MYO3A: variants seen among roughly 807,000 people sequenced by gnomAD.
MYO3A encodes myosin-IIIa.
A neutral mutation model predicts 192.7 loss-of-function variants in MYO3A; 180 were observed. That is an observed-to-expected ratio of 0.93 (90% CI 0.83 to 1.06). MYO3A has a LOEUF of 1.06. Among genes scored for constraint, MYO3A ranks in the 50% least tolerant of loss-of-function variants. The probability of loss-of-function intolerance (pLI) is 0.00; values close to 1 mark genes in which losing one functional copy is unlikely to be tolerated. For synonymous variants in MYO3A, 628 were observed against 645.3 expected (o/e 0.97, Z 0.41); for missense variants, 1,896 against 1,905.0 (o/e 1.00, Z 0.09).
intron 6 of MYO3A, among the ~76,000 whole-genome samples, chr10:25,999,530 C>T (rs1479814343): frequency 6.6e-6 from 1 of 152,138 alleles, no homozygotes; most frequent in Non-Finnish European, 1.5e-5. Context: ...TGTGGTAAAC[C>T]ACAACCTGCA....
intron 14 of MYO3A, among the ~76,000 whole-genome samples, chr10:26,080,430 C>A (rs1255346587): frequency 6.6e-6 from 1 of 151,716 alleles, no homozygotes; most frequent in Non-Finnish European, 1.5e-5. Context: ...CCCTTCACTT[C>A]TTGTATCATT....
Position 26,080,710 on chromosome 10 carries a change from G to T in MYO3A, c.1360-7493G>T, listed in dbSNP as rs536878612. Among the ~76,000 whole-genome samples, 91 of 152,128 alleles carry T rather than the reference G, an allele frequency of 6.0e-4. 1 individual carries two copies. Among genetic ancestry groups the T allele is most frequent in the African/African-American group, 1.7e-3 (72 of 41,508 alleles). ...ATCAGAGGGAAAGTCTAGGGCTGAA[G>T]GCTGTTATTCAGATTCTTTTGTCCC... is the stretch of plus-strand genomic sequence containing the variant. On this transcript the variant is annotated intron_variant, in intron 14 of 34. Coordinates refer to ENST00000642920, the MANE Select transcript of MYO3A (RefSeq NM_017433.5).
chr10:26,030,264 G>A (rs778633588), intron 10 of MYO3A, among the ~76,000 whole-genome samples: 6 of 151,892 alleles, frequency 4.0e-5, no homozygotes, highest in Non-Finnish European at 8.8e-5. Context: ...GCTTTTGTTT[G>A]CCCTGTTAGG....
Position 26,128,556 on chromosome 10 carries a change from C to A in MYO3A, c.2262+18C>A. ...GGGAACAGGTAAGTCTAAGTACTTA[C>A]TATAAATATGCATGCATGCATGTAT... On this transcript the variant is annotated intron_variant, in intron 20 of 34. Transcript: ENST00000642920. 6.3e-7 allele frequency: 1 copy of A among 1,595,640 alleles called. No homozygotes were observed.
intron 10 of MYO3A, among the ~76,000 whole-genome samples, chr10:26,045,573 C>G (rs1263163733): frequency 6.6e-6 from 1 of 152,104 alleles, no homozygotes; most frequent in Non-Finnish European, 1.5e-5. Context: ...AGCTTTGGAA[C>G]AGCTTCAGAG....
At position 26,013,109 on chromosome 10, in the gene MYO3A, T is replaced by G. The variant is rs1448062115; in HGVS notation, c.509-3711T>G. On this transcript the variant is annotated intron_variant, in intron 6 of 34. Coordinates refer to ENST00000642920, the MANE Select transcript of MYO3A (RefSeq NM_017433.5). ...GAAACTGGAACTCTATCTCTCACCT[T>G]ATACAAAAAGCAACTCACGATGGAT... Among the ~76,000 whole-genome samples, 3 of 152,266 alleles carry G rather than the reference T, an allele frequency of 2.0e-5. No homozygotes were observed. In the East Asian group the frequency reaches 5.8e-4, roughly 29 times the overall value.
intron 20 of MYO3A, among the ~76,000 whole-genome samples, chr10:26,136,369 A>G (rs371775823): frequency 2.0e-5 from 3 of 152,348 alleles, no homozygotes; most frequent in East Asian, 1.9e-4. Flanking sequence ...GAACTTGCCT[A>G]TCAGAGAAGG....
Position 25,974,189 on chromosome 10 carries a change from G to A in MYO3A, c.303+19181G>A, listed in dbSNP as rs202133680. Among the ~76,000 whole-genome samples, 27 of 152,202 alleles carry A rather than the reference G, an allele frequency of 1.8e-4. 1 individual carries two copies. The East Asian group carries it at 3.9e-3, about 22-fold the overall frequency. ...ATGGGAAAAAATTTTTGCAATCTAC[G>A]CATCCAACAAAGGACTAATATCCAG... On this transcript the variant is annotated intron_variant, in intron 4 of 34. Transcript: ENST00000642920.
At chr10:26,050,993 G>A (rs896744831) in intron 10 of MYO3A, among the ~76,000 whole-genome samples, 11 of 152,158 alleles carry the variant, frequency 7.2e-5, no homozygotes, top group Non-Finnish European at 1.5e-4. Context: ...TTATACCAGA[G>A]TGTAACATAT....
chr10:26,007,788 G>A (rs538957268), intron 6 of MYO3A, among the ~76,000 whole-genome samples: 54 of 151,064 alleles, frequency 3.6e-4, no homozygotes, highest in Admixed American at 1.9e-3. Context: ...AATCAATATC[G>A]TGAAAATGGC....
intron 4 of MYO3A, among the ~76,000 whole-genome samples, chr10:25,967,826 A>G (rs1454019296): frequency 6.6e-6 from 1 of 152,258 alleles, no homozygotes; most frequent in African/African-American, 2.4e-5. Context: ...ATCAGGTTTA[A>G]CAGCACAATA....
At chr10:26,017,296 G>T (rs902906970) in intron 7 of MYO3A, among the ~76,000 whole-genome samples, 2 of 152,126 alleles carry the variant, frequency 1.3e-5, no homozygotes, top group South Asian at 2.1e-4. Flanking sequence ...CATATGGCAG[G>T]TTCCTGTGTT....
At chr10:26,088,958 A>C (rs893078695) in intron 15 of MYO3A, among the ~76,000 whole-genome samples, 4 of 152,214 alleles carry the variant, frequency 2.6e-5, no homozygotes, top group African/African-American at 4.8e-5. Context: ...GCTTAATGAC[A>C]AAGTTTCTCT....
rs373896801 is a variant in MYO3A at position 26,008,483 on chromosome 10, G to T, written c.509-8337G>T. On this transcript the variant is annotated intron_variant, in intron 6 of 34. Coordinates refer to ENST00000642920, the MANE Select transcript of MYO3A (RefSeq NM_017433.5). ...GGGAGAAAATTTTCGCAACCTACTC[G>T]TCTGACAAAGGGCTAATATCCAGAA... 4.2e-3 allele frequency among the ~76,000 whole-genome samples: 619 copies of T among 146,576 alleles called. 64 individuals carry two copies. Among genetic ancestry groups the T allele is most frequent in the African/African-American group, 0.016 (596 of 36,964 alleles).
chr10:26,052,846 T>G (rs12773513), intron 10 of MYO3A, among the ~76,000 whole-genome samples: 71,979 of 151,878 alleles, frequency 0.47, 17,873 homozygotes, highest in Middle Eastern at 0.59. Context: ...TTTTCAATTT[T>G]TAGAGCAGAA....
chr10:26,182,994 C>A (rs1292389645), intron 31 of MYO3A, among the ~76,000 whole-genome samples: 1 of 152,100 alleles, frequency 6.6e-6, no homozygotes, highest in East Asian at 1.9e-4. Context: ...TGGACTAGAA[C>A]AAAACGAACT....
At chr10:26,091,399 G>A (rs1836690751) in intron 15 of MYO3A, among the ~76,000 whole-genome samples, 1 of 152,110 alleles carries the variant, frequency 6.6e-6, no homozygotes, top group Admixed American at 6.5e-5. Flanking sequence ...AATTTTAAAA[G>A]AGGCTACTTA....
intron 10 of MYO3A, among the ~76,000 whole-genome samples, chr10:26,062,416 C>T (rs1834542650): frequency 1.3e-5 from 2 of 149,234 alleles, no homozygotes; most frequent in Admixed American, 6.7e-5. Context: ...ACTCGGGAGG[C>T]TGAGGCAGGA....
At chr10:25,992,265 T>C (rs1840085250) in intron 4 of MYO3A, among the ~76,000 whole-genome samples, 1 of 152,170 alleles carries the variant, frequency 6.6e-6, no homozygotes. Flanking sequence ...TATTTTATTC[T>C]CTTTGAAGCA....
Sources: allele counts gnomAD v4.1 joint callset (sites outside exome capture counted in the v4.1 genomes callset), GRCh38; gene constraint gnomAD v4.1.1; transcripts MANE v1.5; gene names NCBI Gene and HGNC (gene_info 2026-07-23, HGNC 2026-07-21).